Variants in DGKB observed in about 807,000 individuals in gnomAD.
DGKB encodes the protein 90 kDa diacylglycerol kinase.
A neutral mutation model predicts 114.3 loss-of-function variants in DGKB; 67 were observed. The ratio of observed to expected loss-of-function variants is 0.59; its 90% confidence interval spans 0.48 to 0.72. DGKB has a LOEUF of 0.72. DGKB is among the 30% of genes least tolerant of loss of function. The pLI is 0.00. For missense variants in DGKB, 907 were observed against 975.2 expected (o/e 0.93, Z 0.93); for synonymous variants, 398 against 323.1 (o/e 1.23, Z -2.49).
intron 23 of DGKB, among the ~76,000 whole-genome samples, chr7:14,264,047 T>C (rs1797154490): frequency 6.6e-6 from 1 of 152,218 alleles, no homozygotes; most frequent in Non-Finnish European, 1.5e-5. Flanking sequence ...AGTTCTATTT[T>C]TGAAATGTAT....
intron 20 of DGKB, among the ~76,000 whole-genome samples, chr7:14,496,362 T>A (rs1186477386): frequency 2.0e-5 from 3 of 151,716 alleles, no homozygotes; most frequent in African/African-American, 7.3e-5. Context: ...GATAGATGGA[T>A]GGGTATTTGT....
intron 25 of DGKB, among the ~76,000 whole-genome samples, chr7:14,170,733 A>C (rs896127219): frequency 4.6e-5 from 7 of 152,254 alleles, no homozygotes; most frequent in African/African-American, 1.4e-4. Context: ...AATAAGCTCC[A>C]GAATACTGTT....
intron 23 of DGKB, among the ~76,000 whole-genome samples, chr7:14,333,830 A>G (rs973820793): frequency 6.6e-6 from 1 of 152,218 alleles, no homozygotes; most frequent in Non-Finnish European, 1.5e-5. Flanking sequence ...CAAATTCATG[A>G]CATAATGATA....
chr7:14,147,766 T>G lies in DGKB; in HGVS notation c.*1365A>C, dbSNP rs749962542. On this transcript the variant is annotated 3_prime_UTR_variant, in exon 26 of 26. Coordinates refer to ENST00000402815, the MANE Select transcript of DGKB (RefSeq NM_001350709.2). The stretch of plus-strand genomic sequence containing the variant: ...TGAATGAACAATATTACAAGACTGC[T>G]CAGAAGCATTTCATTTTACATCATA... 4 of 152,540 alleles carry G rather than the reference T, an allele frequency of 2.6e-5. No individual in the cohort carries two copies. The highest frequency in any genetic ancestry group is 9.7e-5 in the African/African-American group (4 of 41,438). 9.4% of individuals were successfully genotyped at this position (152,540 alleles called of 1,614,324 possible).
chr7:14,547,479 A>G (rs1432525914), intron 20 of DGKB, among the ~76,000 whole-genome samples: 1 of 152,190 alleles, frequency 6.6e-6, no homozygotes, highest in Non-Finnish European at 1.5e-5. Context: ...AGAAAATAAT[A>G]CCTTACATAT....
intron 2 of DGKB, among the ~76,000 whole-genome samples, chr7:14,805,350 G>A (rs1297369852): frequency 6.6e-6 from 1 of 152,028 alleles, no homozygotes; most frequent in East Asian, 1.9e-4. Flanking sequence ...CCTGTGAGTG[G>A]ATTAGTGTAA....
chr7:14,821,761 G>A (rs1462810170), intron 2 of DGKB, among the ~76,000 whole-genome samples: 1 of 152,088 alleles, frequency 6.6e-6, no homozygotes, highest in Non-Finnish European at 1.5e-5. Context: ...ATTTTTCAAG[G>A]AATTTATTGG....
At chr7:14,958,438 C>CACAA (rs1470332976) in intron 1 of DGKB, among the ~76,000 whole-genome samples, 3 of 125,952 alleles carry the variant, frequency 2.4e-5, no homozygotes, top group Admixed American at 1.6e-4. Flanking sequence ...CACACACACA[C>CACAA]ACACACACAC....
chr7:14,246,454 T>G (rs1794494689), intron 23 of DGKB, among the ~76,000 whole-genome samples: 1 of 152,158 alleles, frequency 6.6e-6, no homozygotes, highest in African/African-American at 2.4e-5. Context: ...TCTTAACCCC[T>G]GTGGCAAACG....
chr7:14,924,811 C>T (rs997197445), intron 1 of DGKB, among the ~76,000 whole-genome samples: 1 of 151,982 alleles, frequency 6.6e-6, no homozygotes, highest in Admixed American at 6.6e-5. Flanking sequence ...ACTGAAGTAC[C>T]CTTTACCCAG....
chr7:14,378,922 T>C (rs1049746451), intron 21 of DGKB, among the ~76,000 whole-genome samples: 1 of 152,236 alleles, frequency 6.6e-6, no homozygotes, highest in East Asian at 1.9e-4. Flanking sequence ...TTACGCATTT[T>C]GGTGAAGCAG....
intron 2 of DGKB, among the ~76,000 whole-genome samples, chr7:14,781,320 C>A (rs1276085773): frequency 1.3e-5 from 2 of 152,144 alleles, no homozygotes; most frequent in Non-Finnish European, 2.9e-5. Context: ...CATTCTGGGT[C>A]CTCCATAAGT....
chr7:14,840,117 A>G (rs1847719024), intron 2 of DGKB, among the ~76,000 whole-genome samples: 1 of 152,168 alleles, frequency 6.6e-6, no homozygotes, highest in African/African-American at 2.4e-5. Flanking sequence ...ACTTTATAAT[A>G]TCATCCAACT....
intron 21 of DGKB, among the ~76,000 whole-genome samples, chr7:14,428,810 G>C (rs1001955933): frequency 1.3e-5 from 2 of 152,012 alleles, no homozygotes; most frequent in East Asian, 3.9e-4. Context: ...CTAATGGCAA[G>C]ATCTGAGAAC....
At chr7:14,716,004 G>A (rs1000099120) in intron 6 of DGKB, among the ~76,000 whole-genome samples, 4 of 152,120 alleles carry the variant, frequency 2.6e-5, no homozygotes, top group Non-Finnish European at 5.9e-5. Context: ...GGGAGGCACT[G>A]AATAGATTTT....
chr7:14,689,904 G>A (rs143088644), intron 9 of DGKB, among the ~76,000 whole-genome samples: 67 of 152,268 alleles, frequency 4.4e-4, no homozygotes, highest in African/African-American at 1.4e-3. Flanking sequence ...AGAAAAAAAT[G>A]TGTCTTAAAC....
intron 23 of DGKB, among the ~76,000 whole-genome samples, chr7:14,238,064 T>G (rs1793073294): frequency 6.6e-6 from 1 of 152,064 alleles, no homozygotes; most frequent in Non-Finnish European, 1.5e-5. Context: ...CTCGGGTTGG[T>G]GAAAGGAAAA....
chr7:14,733,813 GGAA>G (rs1302251498), intron 5 of DGKB, among the ~76,000 whole-genome samples: 1 of 96,716 alleles, frequency 1.0e-5, no homozygotes. Flanking sequence ...AGGGAAGGAG[GGAA>G]GGAAGGAAGG....
At chr7:14,149,919 A>G (rs529589918) in intron 25 of DGKB, among the ~76,000 whole-genome samples, 103 of 152,308 alleles carry the variant, frequency 6.8e-4, no homozygotes, top group South Asian at 6.2e-3. Context: ...TCTTTGATAT[A>G]AAACTACGAA....
Sources: allele counts gnomAD v4.1 joint callset (sites outside exome capture counted in the v4.1 genomes callset), GRCh38; gene constraint gnomAD v4.1.1; transcripts MANE v1.5; gene names NCBI Gene and HGNC (gene_info 2026-07-23, HGNC 2026-07-21).